PPFIA2: variants seen among roughly 807,000 people sequenced by gnomAD.
The protein encoded by PPFIA2 is PPFI scaffold protein A2.
In PPFIA2, 46 loss-of-function variants were observed where a neutral mutation model predicts 175.5. The observed-to-expected ratio is 0.26, with a 90% CI of 0.21 to 0.34. The LOEUF (loss-of-function observed/expected upper bound fraction) is 0.34, where lower values mean the gene tolerates loss of function less well. PPFIA2 is among the 10% of genes least tolerant of loss of function. The pLI is 1.00. For missense variants in PPFIA2, 1,179 were observed against 1,506.1 expected, an observed-to-expected ratio of 0.78 and a Z score of 3.60; for synonymous variants, 568 against 511.4, an observed-to-expected ratio of 1.11 and a Z score of -1.49.
intron 4 of PPFIA2, among the ~76,000 whole-genome samples, chr12:81,642,707 T>TTATATAAATAC (rs1187931165): frequency 1.4e-5 from 1 of 69,852 alleles, no homozygotes; most frequent in African/African-American, 3.9e-5. Flanking sequence ...CATGTATATG[T>TTATATAAATAC]ATGTATGTAT....
At chr12:81,430,670 C>G (rs1057501317) in intron 7 of PPFIA2, 3 of 152,030 alleles carry the variant, frequency 2.0e-5, no homozygotes, top group Non-Finnish European at 2.9e-5. Context: ...TTTAGAATAG[C>G]TTCCACCTTT....
chr12:81,557,160 A>G (rs906607270), intron 4 of PPFIA2, among the ~76,000 whole-genome samples: 6 of 151,338 alleles, frequency 4.0e-5, no homozygotes, highest in Non-Finnish European at 7.4e-5. Context: ...ATCAATAGCT[A>G]TGCATTAGAG....
At chr12:81,630,083 T>C (rs2063191237) in intron 4 of PPFIA2, among the ~76,000 whole-genome samples, 1 of 152,164 alleles carries the variant, frequency 6.6e-6, no homozygotes, top group Non-Finnish European at 1.5e-5. Flanking sequence ...AACCAAGGAA[T>C]GCAGGGAGAC....
intron 3 of PPFIA2, among the ~76,000 whole-genome samples, chr12:81,692,324 CA>C (rs975576846): frequency 1.2e-4 from 19 of 152,206 alleles, no homozygotes; most frequent in African/African-American, 3.9e-4. Context: ...ACTTTGATTG[CA>C]GCCTTGTGAG....
At chr12:81,631,986 G>T (rs1265824495) in intron 4 of PPFIA2, among the ~76,000 whole-genome samples, 5 of 152,102 alleles carry the variant, frequency 3.3e-5, no homozygotes, top group African/African-American at 1.2e-4. Context: ...TATAGCATTT[G>T]TATCAGTTCT....
intron 4 of PPFIA2, among the ~76,000 whole-genome samples, chr12:81,503,191 G>A (rs897877035): frequency 6.6e-6 from 1 of 151,782 alleles, no homozygotes; most frequent in East Asian, 1.9e-4. Context: ...TGAGGACTGT[G>A]GTAACAACCT....
intron 4 of PPFIA2, among the ~76,000 whole-genome samples, chr12:81,605,430 A>G (rs1197558717): frequency 6.6e-6 from 1 of 151,720 alleles, no homozygotes; most frequent in Admixed American, 6.6e-5. Flanking sequence ...GAGAGGAGAG[A>G]GGAGGCGAGG....
intron 4 of PPFIA2, among the ~76,000 whole-genome samples, chr12:81,466,378 T>C (rs1045696827): frequency 6.6e-6 from 1 of 152,166 alleles, no homozygotes; most frequent in African/African-American, 2.4e-5. Flanking sequence ...TTGGTAGATG[T>C]GTACTTGGAT....
At chr12:81,559,121 T>C (rs780341294) in intron 4 of PPFIA2, among the ~76,000 whole-genome samples, 1 of 152,168 alleles carries the variant, frequency 6.6e-6, no homozygotes, top group Non-Finnish European at 1.5e-5. Flanking sequence ...ACAGAGAAAA[T>C]ACTACCCTTC....
intron 3 of PPFIA2, among the ~76,000 whole-genome samples, chr12:81,735,638 T>C (rs966780911): frequency 4.6e-5 from 7 of 151,838 alleles, no homozygotes; most frequent in Admixed American, 3.3e-4. Flanking sequence ...TTTAGTGCCA[T>C]GTTTAAGAAA....
At chr12:81,695,826 A>G (rs2075833065) in intron 3 of PPFIA2, among the ~76,000 whole-genome samples, 1 of 152,102 alleles carries the variant, frequency 6.6e-6, no homozygotes, top group South Asian at 2.1e-4. Flanking sequence ...TTTGCACTTT[A>G]TATTTCCCAA....
chr12:81,503,248 T>A lies in PPFIA2; in HGVS notation c.304-45382A>T, dbSNP rs1164725188. Among the ~76,000 whole-genome samples the A allele has an allele frequency of 3.9e-5, 6 of 152,130 alleles. 1 individual carries two copies. In the East Asian group the frequency reaches 9.6e-4, roughly 24 times the overall value. The stretch of plus-strand genomic sequence containing the variant: ...TTTTTATTTTTATTTTTATTTTTCC[T>A]TTTAGAAGCTTCACCCTCCAAATAG... On this transcript the variant is annotated intron_variant, in intron 4 of 32. Transcript: ENST00000549396.
At chr12:81,467,471 C>T (rs2146169933) in intron 4 of PPFIA2, among the ~76,000 whole-genome samples, 1 of 152,246 alleles carries the variant, frequency 6.6e-6, no homozygotes, top group Non-Finnish European at 1.5e-5. Flanking sequence ...AGCGGATTAC[C>T]TGAGCTCAGG....
chr12:81,291,598 G>C (rs966600857), intron 24 of PPFIA2, among the ~76,000 whole-genome samples: 14 of 152,004 alleles, frequency 9.2e-5, no homozygotes, highest in Non-Finnish European at 1.6e-4. Context: ...GCTAAGGCTT[G>C]GGGTTGATGG....
chr12:81,730,911 A>C (rs17691039), intron 3 of PPFIA2, among the ~76,000 whole-genome samples: 24,284 of 151,260 alleles, frequency 0.16, 2,018 homozygotes, highest in Middle Eastern at 0.24. Flanking sequence ...CAAAAAAAAA[A>C]CCTAGAAATT....
chr12:81,691,438 G>T (rs2075230211), intron 3 of PPFIA2, among the ~76,000 whole-genome samples: 1 of 152,204 alleles, frequency 6.6e-6, no homozygotes, highest in African/African-American at 2.4e-5. Context: ...CTGTGTGTGG[G>T]AGGACTCTGC....
chr12:81,735,908 G>T (rs772822523), intron 3 of PPFIA2, among the ~76,000 whole-genome samples: 26 of 151,828 alleles, frequency 1.7e-4, no homozygotes, highest in Non-Finnish European at 2.7e-4. Flanking sequence ...GGTTATTCTT[G>T]TACTCTCTAT....
At chr12:81,708,649 G>A (rs1459894191) in intron 3 of PPFIA2, among the ~76,000 whole-genome samples, 5 of 152,162 alleles carry the variant, frequency 3.3e-5, no homozygotes, top group Non-Finnish European at 7.4e-5. Context: ...TAATATAAGA[G>A]ACTCAGTTTA....
intron 7 of PPFIA2, among the ~76,000 whole-genome samples, chr12:81,428,109 CA>C (rs2047463344): frequency 6.6e-6 from 1 of 151,770 alleles, no homozygotes; most frequent in Non-Finnish European, 1.5e-5. Flanking sequence ...TAAAATAGGT[CA>C]ATTTATGATG....
Sources: allele counts gnomAD v4.1 joint callset (sites outside exome capture counted in the v4.1 genomes callset), GRCh38; gene constraint gnomAD v4.1.1; transcripts MANE v1.5; gene names NCBI Gene and HGNC (gene_info 2026-07-23, HGNC 2026-07-21).